The following SLC13A1 variants were observed in gnomAD, a reference collection of about 807,000 sequenced individuals.
SLC13A1 encodes the protein Na(+)/sulfate cotransporter.
A neutral mutation model predicts 70.0 loss-of-function variants in SLC13A1; 65 were observed. The observed-to-expected ratio is 0.93, with a 90% CI of 0.76 to 1.14. The LOEUF (loss-of-function observed/expected upper bound fraction) is 1.14. SLC13A1 is among the 50% of genes most tolerant of loss of function. The probability of loss-of-function intolerance (pLI) is 0.00; values close to 1 mark genes in which losing one functional copy is unlikely to be tolerated. For synonymous variants in SLC13A1, 275 were observed against 250.5 expected (o/e 1.10, Z -0.92); for missense variants, 726 against 717.8 (o/e 1.01, Z -0.13).
At chr7:123,133,481 T>A (rs1315742044) in intron 8 of SLC13A1, among the ~76,000 whole-genome samples, 1 of 152,132 alleles carries the variant, frequency 6.6e-6, no homozygotes, top group Non-Finnish European at 1.5e-5. Flanking sequence ...CAATATCTTA[T>A]CATCTTAGGA....
At chr7:123,117,049 T>TC in intron 14 of SLC13A1, among the ~76,000 whole-genome samples, 1 of 152,194 alleles carries the variant, frequency 6.6e-6, no homozygotes, top group Non-Finnish European at 1.5e-5. Flanking sequence ...TGACTCAGTG[T>TC]CTCATTCAGA....
At chr7:123,191,901 C>T (rs185241424) in intron 1 of SLC13A1, among the ~76,000 whole-genome samples, 32 of 152,236 alleles carry the variant, frequency 2.1e-4, no homozygotes, top group Admixed American at 1.2e-3. Context: ...ATAGAGTATA[C>T]GGTCAGTAAC....
chr7:123,155,651 G>A (rs558757598), intron 6 of SLC13A1, among the ~76,000 whole-genome samples: 77 of 152,106 alleles, frequency 5.1e-4, no homozygotes, highest in African/African-American at 1.6e-3. Flanking sequence ...CTCTGCACTC[G>A]TATTTTGGGA....
chr7:123,151,540 C>A (rs1794555760), intron 6 of SLC13A1, among the ~76,000 whole-genome samples: 1 of 151,954 alleles, frequency 6.6e-6, no homozygotes, highest in Non-Finnish European at 1.5e-5. Flanking sequence ...ACAACAAACA[C>A]TTATAGTGTC....
chr7:123,121,951 G>A (rs902415586), intron 12 of SLC13A1, among the ~76,000 whole-genome samples: 1 of 152,026 alleles, frequency 6.6e-6, no homozygotes, highest in African/African-American at 2.4e-5. Context: ...GTTATTCTGG[G>A]TATCCTGTAG....
chr7:123,161,007 A>G (rs1794874895), intron 6 of SLC13A1, among the ~76,000 whole-genome samples: 1 of 151,932 alleles, frequency 6.6e-6, no homozygotes, highest in South Asian at 2.1e-4. Flanking sequence ...TAAAAGAGCA[A>G]GAGCATAAAT....
intron 2 of SLC13A1, among the ~76,000 whole-genome samples, chr7:123,180,604 T>G (rs549148991): frequency 6.6e-6 from 1 of 152,314 alleles, no homozygotes; most frequent in Admixed American, 6.5e-5. Flanking sequence ...AAACTTTTTC[T>G]TCATTAAAAA....
At chr7:123,167,841 C>T (rs1475011526) in intron 6 of SLC13A1, among the ~76,000 whole-genome samples, 2 of 151,878 alleles carry the variant, frequency 1.3e-5, no homozygotes, top group South Asian at 2.1e-4. Context: ...GCTCCAAGTT[C>T]ATAACCTGGA....
At chr7:123,137,145 C>G (rs1793977838) in intron 7 of SLC13A1, among the ~76,000 whole-genome samples, 1 of 152,106 alleles carries the variant, frequency 6.6e-6, no homozygotes, top group Non-Finnish European at 1.5e-5. Flanking sequence ...TGACATAAAA[C>G]AGAATGGCTC....
intron 12 of SLC13A1, among the ~76,000 whole-genome samples, chr7:123,122,502 C>T (rs1277454782): frequency 1.3e-5 from 2 of 152,072 alleles, no homozygotes; most frequent in Non-Finnish European, 2.9e-5. Flanking sequence ...ATGAGGGCCT[C>T]CCCAAACTGT....
chr7:123,161,849 GAT>G (rs1794916970), intron 6 of SLC13A1, among the ~76,000 whole-genome samples: 1 of 152,170 alleles, frequency 6.6e-6, no homozygotes, highest in South Asian at 2.1e-4. Context: ...AAGGAAAAGA[GAT>G]AGGCTCGTGT....
chr7:123,174,076 C>A (rs543700960), intron 2 of SLC13A1, among the ~76,000 whole-genome samples: 31 of 151,398 alleles, frequency 2.0e-4, no homozygotes, highest in African/African-American at 7.5e-4. Context: ...GCTGGTATTC[C>A]ACAGGGTTCT....
chr7:123,166,060 A>C (rs1795065746), intron 6 of SLC13A1, among the ~76,000 whole-genome samples: 1 of 151,990 alleles, frequency 6.6e-6, no homozygotes, highest in South Asian at 2.1e-4. Context: ...CAGTACTCCC[A>C]GATCAAACTA....
chr7:123,169,819 A>T (rs1038557278), intron 3 of SLC13A1, among the ~76,000 whole-genome samples: 5 of 152,202 alleles, frequency 3.3e-5, no homozygotes, highest in African/African-American at 1.2e-4. Context: ...ACAAAGAAAG[A>T]TTAATATTTA....
intron 1 of SLC13A1, among the ~76,000 whole-genome samples, chr7:123,191,296 C>T (rs899449508): frequency 6.6e-6 from 1 of 152,132 alleles, no homozygotes; most frequent in Admixed American, 6.5e-5. Context: ...TCATAGCCAG[C>T]GATCAATCCA....
intron 12 of SLC13A1, among the ~76,000 whole-genome samples, chr7:123,122,310 C>G (rs1016005070): frequency 6.6e-6 from 1 of 152,080 alleles, no homozygotes; most frequent in Non-Finnish European, 1.5e-5. Flanking sequence ...TCTCACCATT[C>G]TGTTCAATTT....
At chr7:123,159,428 G>A (rs1211075983) in intron 6 of SLC13A1, among the ~76,000 whole-genome samples, 1 of 152,178 alleles carries the variant, frequency 6.6e-6, no homozygotes, top group Non-Finnish European at 1.5e-5. Flanking sequence ...ATCACGTGAG[G>A]ATGCAATGAG....
chr7:123,153,293 C>T (rs1456933658), intron 6 of SLC13A1, among the ~76,000 whole-genome samples: 1 of 151,910 alleles, frequency 6.6e-6, no homozygotes, highest in African/African-American at 2.4e-5. Context: ...GATGTTTATG[C>T]AAATATCATC....
intron 7 of SLC13A1, among the ~76,000 whole-genome samples, chr7:123,145,629 C>A (rs901750025): frequency 2.6e-5 from 4 of 152,158 alleles, no homozygotes; most frequent in Non-Finnish European, 5.9e-5. Flanking sequence ...TGGATAAATC[C>A]TCACTGGTAC....
Sources: gnomAD v4.1 joint callset for allele counts (sites outside exome capture counted in the v4.1 genomes callset) on GRCh38, gnomAD v4.1.1 for gene constraint, MANE v1.5 for transcripts, NCBI Gene and HGNC (gene_info 2026-07-23, HGNC 2026-07-21) for gene names.